The following PANX2 variants were observed in gnomAD, a reference collection of about 807,000 sequenced individuals.
The protein encoded by PANX2 is pannexin 2, also known as pannexin-2.
A neutral mutation model predicts 38.7 loss-of-function variants in PANX2; 30 were observed. The observed-to-expected ratio is 0.78, with a 90% confidence interval of 0.58 to 1.05. The LOEUF (loss-of-function observed/expected upper bound fraction) is 1.05, where lower values mean the gene tolerates loss of function less well. PANX2 is among the 50% of genes least tolerant of loss of function. PANX2 has a pLI of 0.00. For missense variants in PANX2, 880 were observed against 979.3 expected, an observed-to-expected ratio of 0.90 and a Z score of 1.35; for synonymous variants, 539 against 472.1, an observed-to-expected ratio of 1.14 and a Z score of -1.84.
chr22:50,179,490 G>T lies in PANX2; in HGVS notation c.*213G>T. 1.8e-6 allele frequency: 1 copy of T among 562,052 alleles called. No individual in the cohort carries two copies. The highest frequency in any genetic ancestry group is 3.1e-6 in the Non-Finnish European group (1 of 319,138). The allele number at this position is 562,052 out of a possible 1,614,324, so 34.8% of individuals were successfully genotyped here. A position where few individuals can be genotyped will look rare whatever the true frequency, so the allele number is the denominator to read the frequency against. On this transcript the variant is annotated 3_prime_UTR_variant, in exon 3 of 3. Coordinates refer to ENST00000395842, the MANE Select transcript of PANX2 (RefSeq NM_052839.4). The stretch of plus-strand genomic sequence containing the variant: ...GGCATCGCCAGGCACTGGCTGGGGT[G>T]GGGAAAGGTGGCCCAGTGGAGCCGG...
In PANX2 at chr22:50,177,006, C is replaced by T; in HGVS notation, c.294C>T (p.Tyr98=). The T allele has an allele frequency of 6.2e-7, 1 of 1,601,108 alleles. No homozygotes were observed. The highest frequency in any genetic ancestry group is 8.5e-7 in the Non-Finnish European group (1 of 1,176,666). Residue 98 remains tyrosine, a synonymous_variant, in exon 2 of 3, where the codon TAC becomes TAT. Coordinates refer to ENST00000395842, the MANE Select transcript of PANX2 (RefSeq NM_052839.4). The part of the protein sequence containing the change: ...TRDQALYARG[Y]CWTELRDALP... ...ACCAGGCGCTGTACGCCCGCGGCTACTGCTGGACGGAGCTGCGGGACGCGC... is the reference window on the plus strand; with the variant it reads ...ACCAGGCGCTGTACGCCCGCGGCTATTGCTGGACGGAGCTGCGGGACGCGC...
chr22:50,172,895 A>ATTTTTT (rs1165494263), intron 1 of PANX2, among the ~76,000 whole-genome samples: 5 of 87,082 alleles, frequency 5.7e-5, no homozygotes, highest in Non-Finnish European at 9.8e-5. Flanking sequence ...CGCCTGGCTC[A>ATTTTTT]TTTTTTTTTT....
At chr22:50,175,040 GGCA>G (rs2063654612) in intron 1 of PANX2, among the ~76,000 whole-genome samples, 1 of 152,232 alleles carries the variant, frequency 6.6e-6, no homozygotes, top group Admixed American at 6.5e-5. Context: ...AGTGAGTCAA[GGCA>G]GTATCCTTGG....
At chr22:50,175,575 G>C (rs1459808178) in intron 1 of PANX2, 142 of 576,576 alleles carry the variant, frequency 2.5e-4, no homozygotes, top group Non-Finnish European at 2.7e-5. Context: ...TCTCCAGCTC[G>C]ATGTCCCCAC....
rs772713599 is a variant in PANX2 at position 50,170,833 on chromosome 22, G to GGC, written c.108_109dup (p.Leu37ArgfsTer9). The GGC allele has an allele frequency of 2.8e-5, 41 of 1,488,500 alleles. No individual in the cohort carries two copies. Among genetic ancestry groups the GGC allele is most frequent in the Admixed American group, 1.2e-4 (5 of 43,474 alleles). 92.2% of individuals were successfully genotyped at this position (1,488,500 alleles called of 1,614,324 possible). ...GCCGGGCGCGCAGGACGACAAGGCG[G>GGC]GCGCGCTGGCCGCGCTGCTTCTGCA... is the stretch of plus-strand genomic sequence containing the variant. On this transcript the variant is annotated frameshift_variant, in exon 1 of 3. Coordinates refer to ENST00000395842, the MANE Select transcript of PANX2 (RefSeq NM_052839.4). LOFTEE classifies it high-confidence loss of function.
rs956483914 is a variant in PANX2 at position 50,180,287 on chromosome 22, T to A, written c.*1010T>A. 6.6e-6 allele frequency: 1 copy of A among 152,286 alleles called. No homozygotes were observed. The highest frequency in any genetic ancestry group is 2.4e-5 in the African/African-American group (1 of 41,480). The allele number at this position is 152,286 out of a possible 1,614,324, so 9.4% of individuals were successfully genotyped here. A position where few individuals can be genotyped will look rare whatever the true frequency, so the allele number is the denominator to read the frequency against. On this transcript the variant is annotated 3_prime_UTR_variant, in exon 3 of 3. Transcript: ENST00000395842. ...CCGAGCATATCAATAAATATTATTC[T>A]GATAATCACCTGTGCTCCGCCGGGG...
At chr22:50,172,875 C>T (rs891460700) in intron 1 of PANX2, among the ~76,000 whole-genome samples, 1 of 150,254 alleles carries the variant, frequency 6.7e-6, no homozygotes, top group Admixed American at 6.7e-5. Context: ...ACTACAGGCA[C>T]CCGCCACCAC....
intron 1 of PANX2, among the ~76,000 whole-genome samples, chr22:50,174,003 G>T (rs1263806975): frequency 1.3e-5 from 2 of 152,194 alleles, no homozygotes; most frequent in Admixed American, 6.5e-5. Context: ...CATCTTTGGG[G>T]GCCATGATTC....
At chr22:50,176,498 TTCC>T (rs1456209132) in intron 1 of PANX2, among the ~76,000 whole-genome samples, 1 of 146,852 alleles carries the variant, frequency 6.8e-6, no homozygotes, top group African/African-American at 2.4e-5. Flanking sequence ...GCCAACCGCC[TTCC>T]TCCCAGGGGA....
At chr22:50,173,609 AGCAGGTGCGCAGCCACC>A (rs2063646543) in intron 1 of PANX2, among the ~76,000 whole-genome samples, 1 of 152,196 alleles carries the variant, frequency 6.6e-6, no homozygotes, top group African/African-American at 2.4e-5. Context: ...TGGAGAATGT[AGCAGGTGCGCAGCCACC>A]GCCAGGATTA....
At chr22:50,178,813 A>C (rs985551310) in intron 2 of PANX2, 121 bp from the exon 3 acceptor site, 9 of 819,106 alleles carry the variant, frequency 1.1e-5, no homozygotes, top group Non-Finnish European at 1.5e-5. Flanking sequence ...GTCCAGGCCC[A>C]GCGTCTCCAG....
In PANX2 at chr22:50,170,972, G is replaced by C; in HGVS notation, c.226+16G>C. The C allele has an allele frequency of 7.3e-7, 1 of 1,379,244 alleles. No individual in the cohort carries two copies. The highest frequency in any genetic ancestry group is 9.7e-7 in the Non-Finnish European group (1 of 1,027,724). The allele number at this position is 1,379,244 out of a possible 1,614,324, so 85.4% of individuals were successfully genotyped here. ...AACTTCGCAGGTGAGGCCGGCGGCC[G>C]GGGCGCGGGGCGCGGGCAGAGGGGG... On this transcript the variant is annotated intron_variant, in intron 1 of 2. Transcript: ENST00000395842.
Position 50,177,489 on chromosome 22 carries a change from C to A in PANX2, c.777C>A (p.Cys259Ter), listed in dbSNP as rs1446392783. 4 of 1,608,576 alleles carry A rather than the reference C, an allele frequency of 2.5e-6. No homozygotes were observed. Among genetic ancestry groups the A allele is most frequent in the African/African-American group, 2.7e-5 (2 of 74,850 alleles). The change falls in exon 2 of 3, where the codon TGC (cysteine) becomes TGA (stop). Residue 259 changes from cysteine to a stop codon, truncating the protein, a stop_gained. Transcript: ENST00000395842. LOFTEE classifies it high-confidence loss of function. ...CGCAGAAGCAGAACGAGTTCACCTG[C>A]GCGCTGGGCGCGTCCCCGGACGGGG... ...YATQKQNEFT[C>*]ALGASPDGAA...
chr22:50,173,377 C>G (rs918291904), intron 1 of PANX2, among the ~76,000 whole-genome samples: 2 of 152,268 alleles, frequency 1.3e-5, no homozygotes, highest in African/African-American at 4.8e-5. Flanking sequence ...GCTCTGCCCC[C>G]GAGCACCCTC....
Position 50,178,313 on chromosome 22 carries a change from C to T in PANX2, c.1601C>T (p.Ala534Val). Residue 534 changes from alanine to valine, a missense_variant, in exon 2 of 3, where the codon GCC becomes GTC. By Grantham distance (64) the Ala-to-Val change is moderately conservative. Around this residue, in one of 4 missense-constraint regions of PANX2, gnomAD observed 445 missense variants for 404.3 expected, o/e 1.10. Transcript: ENST00000395842. Reference protein sequence around the residue: ...TKKAKAEAVPAALPASRSQEG... With the variant: ...TKKAKAEAVPVALPASRSQEG... Reference sequence around the variant, plus strand: ...AAGGCCAAGGCCGAGGCGGTGCCCGCCGCCCTGCCCGCCTCCCGGAGCCAG... The same window carrying T: ...AAGGCCAAGGCCGAGGCGGTGCCCGTCGCCCTGCCCGCCTCCCGGAGCCAG... 2.6e-6 allele frequency: 4 copies of T among 1,514,278 alleles called. No individual in the cohort carries two copies. The highest frequency in any genetic ancestry group is 3.5e-6 in the Non-Finnish European group (4 of 1,137,714). The allele number at this position is 1,514,278 out of a possible 1,614,324, so 93.8% of individuals were successfully genotyped here.
At chr22:50,173,160 T>C (rs1262109059) in intron 1 of PANX2, among the ~76,000 whole-genome samples, 1 of 151,994 alleles carries the variant, frequency 6.6e-6, no homozygotes, top group African/African-American at 2.4e-5. Flanking sequence ...CCTCCCAAAG[T>C]GCTGGGATTA....
chr22:50,177,042 G>A lies in PANX2; in HGVS notation c.330G>A (p.Val110=), dbSNP rs768075230. Residue 110 remains valine (V), a synonymous_variant, in exon 2 of 3, where the codon GTG becomes GTA. Transcript: ENST00000395842. ...WTELRDALPG[V]DASLWPSLFE... ...AGCTGCGGGACGCGCTGCCCGGCGT[G>A]GACGCCAGCCTGTGGCCGTCGCTGT... 1.9e-6 allele frequency: 3 copies of A among 1,607,954 alleles called. No homozygotes were observed. In the Admixed American group the frequency reaches 5.0e-5, roughly 27 times the overall value.
chr22:50,178,429 C>CG lies in PANX2; in HGVS notation c.1690+32dup, dbSNP rs1262148732. On this transcript the variant is annotated intron_variant, in intron 2 of 2. Transcript: ENST00000395842. The stretch of plus-strand genomic sequence containing the variant: ...TAGGGGCAGGGCCGGAGAGAGGGGA[C>CG]GGGGGACTGGGGGTGGGAGAGGCGC... 6.4e-6 allele frequency: 7 copies of CG among 1,087,070 alleles called. No homozygotes were observed. The Admixed American group carries it at 1.2e-4, about 19-fold the overall frequency. 67.3% of individuals were successfully genotyped at this position (1,087,070 alleles called of 1,614,324 possible). A position where few individuals can be genotyped will look rare whatever the true frequency, so the allele number is the denominator to read the frequency against.
rs374681464 is a variant in PANX2, at chr22:50,170,916, C to T, written c.186C>T (p.Pro62=). 6.5e-7 allele frequency: 1 copy of T among 1,527,890 alleles called. No homozygotes were observed. Among genetic ancestry groups the T allele is most frequent in the South Asian group, 1.2e-5 (1 of 82,272 alleles). The allele number at this position is 1,527,890 out of a possible 1,614,324, so 94.6% of individuals were successfully genotyped here. A position where few individuals can be genotyped will look rare whatever the true frequency, so the allele number is the denominator to read the frequency against. Residue 62 remains proline, a synonymous_variant, in exon 1 of 3, where the codon CCC becomes CCT. Coordinates refer to ENST00000395842, the MANE Select transcript of PANX2 (RefSeq NM_052839.4). The part of the protein sequence containing the change: ...RVVTIGTVLV[P]ILLVTLVFTK... ...TCACCATCGGCACCGTGCTGGTGCC[C>T]ATCCTGCTGGTCACCCTGGTCTTCA...
Sources: allele counts gnomAD v4.1 joint callset (sites outside exome capture counted in the v4.1 genomes callset), GRCh38; gene constraint gnomAD v4.1.1; regional missense constraint gnomAD v4.1.1; transcripts MANE v1.5; gene names NCBI Gene and HGNC (gene_info 2026-07-23, HGNC 2026-07-21).